HTT: variants seen among roughly 807,000 people sequenced by gnomAD.
HTT encodes huntington disease protein.
In HTT, 104 loss-of-function variants were observed where a neutral mutation model predicts 362.3. The ratio of observed to expected loss-of-function variants is 0.29; its 90% CI spans 0.24 to 0.34. HTT has a LOEUF of 0.34. Among genes scored for constraint, HTT ranks in the 10% least tolerant of loss-of-function variants. HTT has a pLI of 1.00. For missense variants in HTT, 3,301 were observed against 3,928.6 expected, an observed-to-expected ratio of 0.84 and a Z score of 4.27; for synonymous variants, 1,577 against 1,548.7, an observed-to-expected ratio of 1.02 and a Z score of -0.43.
chr4:3,158,541 T>TA (rs983323676), intron 28 of HTT, among the ~76,000 whole-genome samples: 1 of 151,994 alleles, frequency 6.6e-6, no homozygotes, highest in South Asian at 2.1e-4. Flanking sequence ...TAAAGGATTT[T>TA]AAAAAAAACT....
intron 60 of HTT, among the ~76,000 whole-genome samples, chr4:3,231,125 T>G (rs1721228313): frequency 6.6e-6 from 1 of 152,268 alleles, no homozygotes; most frequent in South Asian, 2.1e-4. Context: ...CTGGCACCTC[T>G]GGTTCCTTGT....
chr4:3,213,856 C>G, intron 49 of HTT, 102 bp from the exon 50 acceptor site: 1 of 1,062,432 alleles, frequency 9.4e-7, no homozygotes, highest in Non-Finnish European at 1.3e-6. Context: ...CCTGGACGCG[C>G]TGCCCCTCAG....
At chr4:3,207,428 G>T in intron 45 of HTT, 71 bp downstream of exon 45, 1 of 1,276,670 alleles carries the variant, frequency 7.8e-7, no homozygotes. Flanking sequence ...ATTTGTACGG[G>T]AATAAATTCA....
chr4:3,134,653 G>A, intron 19 of HTT, 113 bp downstream of exon 19: 2 of 948,540 alleles, frequency 2.1e-6, no homozygotes, highest in Non-Finnish European at 3.2e-6. Context: ...AAATCCGAGT[G>A]GTTTAGGTAG....
At chr4:3,197,151 C>T (rs1204057629) in intron 40 of HTT, among the ~76,000 whole-genome samples, 1 of 152,106 alleles carries the variant, frequency 6.6e-6, no homozygotes, top group Non-Finnish European at 1.5e-5. Context: ...GATTGTGTTC[C>T]TCGAGTTGCT....
At chr4:3,196,248 AGTT>A in intron 40 of HTT, among the ~76,000 whole-genome samples, 1 of 152,204 alleles carries the variant, frequency 6.6e-6, no homozygotes, top group East Asian at 1.9e-4. Flanking sequence ...GCCTCTGTCC[AGTT>A]GTTCCTCCCT....
chr4:3,234,329 G>A (rs1721416226), intron 61 of HTT, among the ~76,000 whole-genome samples: 2 of 152,232 alleles, frequency 1.3e-5, no homozygotes, highest in African/African-American at 2.4e-5. Flanking sequence ...GGCCCTTCTC[G>A]CCTGTCATCC....
At chr4:3,205,056 G>C (rs776013169) in intron 42 of HTT, among the ~76,000 whole-genome samples, 1 of 152,050 alleles carries the variant, frequency 6.6e-6, no homozygotes, top group Non-Finnish European at 1.5e-5. Context: ...ATGGATTCCT[G>C]TTTAAATGCC....
At position 3,157,183 on chromosome 4, in the gene HTT, C is replaced by T; in HGVS notation, c.3737C>T (p.Thr1246Ile). The part of the protein sequence containing the change: ...YLKLHDVLKA[T>I]HANYKVTLDL... The stretch of plus-strand genomic sequence containing the variant: ...AAACTGCATGATGTCCTGAAAGCTA[C>T]ACACGCTAACTACAAGGTATGGGCC... Residue 1246 changes from threonine (T) to isoleucine (I), a missense_variant, in exon 28 of 67, where the codon ACA becomes ATA. Coordinates refer to ENST00000355072, the MANE Select transcript of HTT (RefSeq NM_001388492.1). The T allele has an allele frequency of 6.2e-7, 1 of 1,613,616 alleles. No homozygotes were observed. Among genetic ancestry groups the T allele is most frequent in the Non-Finnish European group, 8.5e-7 (1 of 1,179,766 alleles).
intron 29 of HTT, among the ~76,000 whole-genome samples, chr4:3,169,022 C>CTTTTT (rs761540640): frequency 7.1e-6 from 1 of 141,112 alleles, no homozygotes; most frequent in Non-Finnish European, 1.5e-5. Flanking sequence ...TTCTTTCTTT[C>CTTTTT]TTTTTTTTTT....
chr4:3,132,800 G>A lies in HTT; in HGVS notation c.2396-14G>A, dbSNP rs1560562154. ...GTTTAGATGATGATGTTTGTTGCTT[G>A]TTCTTCTGGTTAGGAAATACATTTT... On this transcript the variant is annotated splice_polypyrimidine_tract_variant and intron_variant, in intron 17 of 66. Coordinates refer to ENST00000355072, the MANE Select transcript of HTT (RefSeq NM_001388492.1). 4 of 1,613,534 alleles carry A rather than the reference G, an allele frequency of 2.5e-6. No homozygotes were observed. Among genetic ancestry groups the A allele is most frequent in the Non-Finnish European group, 3.4e-6 (4 of 1,179,444 alleles).
chr4:3,095,722 A>C (rs545396870), intron 2 of HTT, among the ~76,000 whole-genome samples: 14 of 152,242 alleles, frequency 9.2e-5, no homozygotes, highest in Non-Finnish European at 2.1e-4. Context: ...ATTGTGATGA[A>C]GATACATAGT....
chr4:3,152,122 AGAG>A (rs1716925568), intron 26 of HTT, among the ~76,000 whole-genome samples: 3 of 148,040 alleles, frequency 2.0e-5, no homozygotes, highest in Non-Finnish European at 3.0e-5. Context: ...TTTTTGAGAC[AGAG>A]TCTCAGCCTG....
intron 26 of HTT, among the ~76,000 whole-genome samples, chr4:3,149,516 C>T (rs1230642894): frequency 6.6e-6 from 1 of 152,092 alleles, no homozygotes; most frequent in African/African-American, 2.4e-5. Context: ...CCATGTTGGT[C>T]AGGTTGGTCT....
In HTT at chr4:3,136,318, A is replaced by T; in HGVS notation, c.2790A>T (p.Ser930=). The T allele has an allele frequency of 1.3e-6, 2 of 1,566,200 alleles. No homozygotes were observed. Among genetic ancestry groups the T allele is most frequent in the South Asian group, 1.1e-5 (1 of 89,384 alleles). ...DPRVRHVAAA[S]LIRLVPKLFY... is the part of the protein sequence containing the mutation. Reference sequence around the variant, plus strand: ...GGGTGCGACATGTTGCCGCAGCATCACTAATTAGGTATTTACCAATATTTT... The same window carrying T: ...GGGTGCGACATGTTGCCGCAGCATCTCTAATTAGGTATTTACCAATATTTT... Residue 930 remains serine (S), a synonymous_variant, in exon 21 of 67, where the codon TCA becomes TCT. Transcript: ENST00000355072.
chr4:3,083,761 G>GC (rs1038797934), intron 1 of HTT, among the ~76,000 whole-genome samples: 2 of 152,074 alleles, frequency 1.3e-5, no homozygotes, highest in African/African-American at 4.8e-5. Context: ...TTAGTATACA[G>GC]CCCAGCAGCA....
In HTT at chr4:3,173,137, A is replaced by G; in HGVS notation, c.4166+6A>G. On this transcript the variant is annotated splice_donor_region_variant and intron_variant, in intron 31 of 66. Coordinates refer to ENST00000355072, the MANE Select transcript of HTT (RefSeq NM_001388492.1). ...CAGGAGAACGACACCTCGGGGTAACAGTTGTGGCAAGAATGCTGTCGTTGG... is the reference window on the plus strand; with the variant it reads ...CAGGAGAACGACACCTCGGGGTAACGGTTGTGGCAAGAATGCTGTCGTTGG... 2 of 1,610,270 alleles carry G rather than the reference A, an allele frequency of 1.2e-6. No individual in the cohort carries two copies. The highest frequency in any genetic ancestry group is 1.7e-6 in the Non-Finnish European group (2 of 1,177,028).
At chr4:3,166,128 A>G (rs1221461063) in intron 29 of HTT, among the ~76,000 whole-genome samples, 2 of 152,040 alleles carry the variant, frequency 1.3e-5, no homozygotes, top group East Asian at 3.9e-4. Context: ...TGTTGATGCT[A>G]TTCCTTTCTG....
At chr4:3,147,406 G>A (rs1716661616) in intron 25 of HTT, among the ~76,000 whole-genome samples, 1 of 152,122 alleles carries the variant, frequency 6.6e-6, no homozygotes, top group Admixed American at 6.5e-5. Flanking sequence ...ACACGGAGAG[G>A]GTGTAGCACC....
Sources: gnomAD v4.1 joint callset for allele counts (sites outside exome capture counted in the v4.1 genomes callset) on GRCh38, gnomAD v4.1.1 for gene constraint, MANE v1.5 for transcripts, NCBI Gene and HGNC (gene_info 2026-07-23, HGNC 2026-07-21) for gene names.